SUN3: variants seen among roughly 807,000 people sequenced by gnomAD.
The protein encoded by SUN3 is SUN domain-containing protein 3.
SUN3 carries 36 observed loss-of-function variants against 48.2 expected under a neutral mutation model. The observed-to-expected ratio is 0.75, with a 90% CI of 0.57 to 0.99. The LOEUF (loss-of-function observed/expected upper bound fraction) is 0.99, where lower values mean the gene tolerates loss of function less well. Ranked by LOEUF, SUN3 falls within the 50% of genes least tolerant of loss-of-function variation. The pLI is 0.00. For missense variants in SUN3, 419 were observed against 433.1 expected (o/e 0.97, Z 0.29); for synonymous variants, 148 against 147.9 (o/e 1.00, Z 0.00).
intron 3 of SUN3, among the ~76,000 whole-genome samples, chr7:48,009,395 G>T (rs1789620289): frequency 6.6e-6 from 1 of 152,052 alleles, no homozygotes; most frequent in East Asian, 1.9e-4. Context: ...GTTGGAAGAG[G>T]AAAAAATAGA....
At chr7:48,006,167 C>G (rs1789519970) in intron 5 of SUN3, 114 bp from the exon 6 acceptor site, 1 of 677,478 alleles carries the variant, frequency 1.5e-6, no homozygotes, top group Non-Finnish European at 2.6e-6. Flanking sequence ...AGCAGTGAGC[C>G]CCTATCAGCT....
chr7:48,007,624 G>A (rs1396118670), intron 4 of SUN3, among the ~76,000 whole-genome samples: 1 of 152,124 alleles, frequency 6.6e-6, no homozygotes, highest in African/African-American at 2.4e-5. Context: ...ACGTCACACA[G>A]GTGAATCCTA....
chr7:48,010,041 C>T (rs558024761), intron 3 of SUN3, among the ~76,000 whole-genome samples: 1 of 152,196 alleles, frequency 6.6e-6, no homozygotes, highest in East Asian at 1.9e-4. Flanking sequence ...AGCCTGGGAG[C>T]CTCCAAAGCC....
intron 2 of SUN3, among the ~76,000 whole-genome samples, chr7:48,020,130 C>T (rs1246424690): frequency 6.6e-6 from 1 of 151,922 alleles, no homozygotes; most frequent in Non-Finnish European, 1.5e-5. Context: ...GGGATTTATC[C>T]CTGGGATGCA....
chr7:48,001,254 A>G lies in SUN3; in HGVS notation c.577+4715T>C, dbSNP rs1410288600. Among the ~76,000 whole-genome samples, 4 of 152,064 alleles carry G rather than the reference A, an allele frequency of 2.6e-5. No homozygotes were observed. In the East Asian group the frequency reaches 5.8e-4, roughly 22 times the overall value. On this transcript the variant is annotated intron_variant, in intron 6 of 9. Coordinates refer to ENST00000297325, the MANE Select transcript of SUN3 (RefSeq NM_001030019.2). ...CCCTTCTCTCACCCTCCATCCTCCA[A>G]TAGGCCCCAGTGTGTGTTGTTCCCC...
At chr7:47,995,987 CAAAATTCT>C (rs959581412) in intron 7 of SUN3, 36 bp downstream of exon 7, 1 of 1,255,260 alleles carries the variant, frequency 8.0e-7, no homozygotes, top group Non-Finnish European at 1.1e-6. Flanking sequence ...ATAATAAGAA[CAAAATTCT>C]AAAATAGAAA....
chr7:48,020,924 AC>A (rs1403280391), intron 2 of SUN3, among the ~76,000 whole-genome samples: 7 of 152,190 alleles, frequency 4.6e-5, no homozygotes, highest in South Asian at 2.1e-4. Flanking sequence ...ATAGAAAAAA[AC>A]AACCCTAAAA....
the SUN3 span, among the ~76,000 whole-genome samples, chr7:48,034,134 C>G: frequency 6.6e-6 from 1 of 152,182 alleles, no homozygotes. Context: ...CAAACAAAAG[C>G]ATTTGTCATG....
At chr7:47,996,345 T>C (rs1789211869) in intron 6 of SUN3, among the ~76,000 whole-genome samples, 199 bp from the exon 7 acceptor site, 1 of 152,212 alleles carries the variant, frequency 6.6e-6, no homozygotes, top group Non-Finnish European at 1.5e-5. Context: ...GAAAACTAGT[T>C]TGTTCTGTTT....
At chr7:48,035,557 G>GCAGC in the SUN3 span, 489 of 698,288 alleles carry the variant, frequency 7.0e-4, 1 homozygote, top group African/African-American at 6.5e-3. This position sits in a 1 kb window ranked among gnomAD's most constrained non-coding sequence, Gnocchi z 4.0. Flanking sequence ...TTGGTTGGCT[G>GCAGC]CAGCCAGCCA....
At chr7:48,023,519 C>T (rs1264305689) in intron 2 of SUN3, among the ~76,000 whole-genome samples, 1 of 151,360 alleles carries the variant, frequency 6.6e-6, no homozygotes, top group South Asian at 2.1e-4. Flanking sequence ...AAATGAAGAA[C>T]AAAAAAGGTA....
At chr7:48,030,712 A>G (rs1790243856), upstream of SUN3, among the ~76,000 whole-genome samples, 1 of 152,202 alleles carries the variant, frequency 6.6e-6, no homozygotes, top group Non-Finnish European at 1.5e-5. Flanking sequence ...ATAATGTGCA[A>G]TAGTAATCTT....
At chr7:48,034,568 C>T in the SUN3 span, among the ~76,000 whole-genome samples, 1 of 152,204 alleles carries the variant, frequency 6.6e-6, no homozygotes, top group Non-Finnish European at 1.5e-5. Context: ...AAGCGGTTAC[C>T]ACCGGGTAAG....
At chr7:48,021,285 A>T (rs931044999) in intron 2 of SUN3, among the ~76,000 whole-genome samples, 1 of 152,274 alleles carries the variant, frequency 6.6e-6, no homozygotes, top group Admixed American at 6.5e-5. Context: ...GCTTAAATCT[A>T]AGACTTTAGA....
chr7:48,002,509 T>C (rs1383178037), intron 6 of SUN3, among the ~76,000 whole-genome samples: 1 of 152,126 alleles, frequency 6.6e-6, no homozygotes, highest in Non-Finnish European at 1.5e-5. Context: ...TTTCAAATGA[T>C]TCTTGGCCAC....
At chr7:48,023,335 A>C (rs1403716705) in intron 2 of SUN3, among the ~76,000 whole-genome samples, 1 of 152,158 alleles carries the variant, frequency 6.6e-6, no homozygotes, top group Non-Finnish European at 1.5e-5. Flanking sequence ...ATTCTATTAA[A>C]GTTAATTTGG....
intron 9 of SUN3, among the ~76,000 whole-genome samples, chr7:47,988,138 T>C (rs1465154447): frequency 6.6e-6 from 1 of 152,180 alleles, no homozygotes; most frequent in East Asian, 1.9e-4. Flanking sequence ...ACAAATATGC[T>C]CATTTCTAAC....
chr7:48,024,797 C>A (rs1159904607), intron 2 of SUN3, among the ~76,000 whole-genome samples: 1 of 152,000 alleles, frequency 6.6e-6, no homozygotes, highest in African/African-American at 2.4e-5. Flanking sequence ...ACAATTAGCT[C>A]CCACAGGAAC....
At chr7:48,012,860 T>C (rs1789719947) in intron 3 of SUN3, among the ~76,000 whole-genome samples, 2 of 152,228 alleles carry the variant, frequency 1.3e-5, no homozygotes. Flanking sequence ...TTAGTGCTTT[T>C]AATAAAAAGC....
Sources: allele counts gnomAD v4.1 joint callset (sites outside exome capture counted in the v4.1 genomes callset), GRCh38; gene constraint gnomAD v4.1.1; non-coding constraint Gnocchi (gnomAD v3.1); transcripts MANE v1.5; gene names NCBI Gene and HGNC (gene_info 2026-07-23, HGNC 2026-07-21).